The following ENTPD1 variants were observed in gnomAD, a reference collection of about 807,000 sequenced individuals.
ENTPD1 encodes ectonucleoside triphosphate diphosphohydrolase 1, also known as ATP diphosphohydrolase.
A neutral mutation model predicts 57.0 loss-of-function variants in ENTPD1; 33 were observed. That is an observed-to-expected ratio of 0.58 (90% CI 0.44 to 0.77). The LOEUF is 0.77. Ranked by LOEUF, ENTPD1 falls within the 30% of genes least tolerant of loss-of-function variation. The pLI is 0.00. For missense variants in ENTPD1, 501 were observed against 603.4 expected (o/e 0.83, Z 1.78); for synonymous variants, 202 against 218.8 (o/e 0.92, Z 0.68).
chr10:95,860,407 G>C, intron 7 of ENTPD1, 62 bp from the exon 8 acceptor site: 3 of 1,387,320 alleles, frequency 2.2e-6, no homozygotes, highest in African/African-American at 2.9e-5. Context: ...GCGGCCTTTA[G>C]GAGAGCAAGT....
chr10:95,832,669 C>T (rs1432157427), intron 2 of ENTPD1, among the ~76,000 whole-genome samples: 2 of 152,196 alleles, frequency 1.3e-5, no homozygotes, highest in African/African-American at 4.8e-5. Context: ...AACGCTGCCT[C>T]TTCTGTGAAT....
intron 7 of ENTPD1, among the ~76,000 whole-genome samples, chr10:95,852,041 C>A (rs2098446176): frequency 1.3e-5 from 2 of 152,192 alleles, no homozygotes; most frequent in South Asian, 4.1e-4. Flanking sequence ...TTTACAGTCC[C>A]ACCAACAGTG....
intron 1 of ENTPD1, among the ~76,000 whole-genome samples, chr10:95,787,822 A>C (rs945218184): frequency 1.3e-5 from 2 of 152,166 alleles, no homozygotes; most frequent in Non-Finnish European, 2.9e-5. Context: ...AATCTTTGAG[A>C]GTATTAACAA....
Position 95,814,028 on chromosome 10 carries a change from T to C in ENTPD1, c.17-9209T>C, listed in dbSNP as rs553888706. Among the ~76,000 whole-genome samples, 3 of 152,320 alleles carry C rather than the reference T, an allele frequency of 2.0e-5. No homozygotes were observed. The South Asian group carries it at 6.2e-4, about 32-fold the overall frequency. On this transcript the variant is annotated intron_variant, in intron 1 of 9. Coordinates refer to ENST00000371205, the MANE Select transcript of ENTPD1 (RefSeq NM_001776.6). ...GGTAGAGTCCCCAGGGCACAATTTTTCAATTTCAGATGTGGAAGAAGACTC... is the reference window on the plus strand; with the variant it reads ...GGTAGAGTCCCCAGGGCACAATTTTCCAATTTCAGATGTGGAAGAAGACTC...
chr10:95,865,321 G>C (rs1470075152), intron 9 of ENTPD1, among the ~76,000 whole-genome samples: 3 of 152,194 alleles, frequency 2.0e-5, no homozygotes, highest in East Asian at 3.9e-4. Flanking sequence ...GAGTGGCTGT[G>C]AATGATGAGA....
intron 1 of ENTPD1, among the ~76,000 whole-genome samples, chr10:95,801,933 T>C (rs1051139765): frequency 6.6e-6 from 1 of 152,256 alleles, no homozygotes; most frequent in African/African-American, 2.4e-5. Flanking sequence ...ATGGCCATTT[T>C]AATGATATGG....
chr10:95,770,242 A>AGT (rs1555282631), intron 1 of ENTPD1, among the ~76,000 whole-genome samples: 104 of 126,354 alleles, frequency 8.2e-4, no homozygotes, highest in Non-Finnish European at 1.2e-3. Context: ...AGAGAGAGAG[A>AGT]GAGTGAGTGA....
At chr10:95,757,108 C>T (rs1652172761) in intron 1 of ENTPD1, among the ~76,000 whole-genome samples, 1 of 152,174 alleles carries the variant, frequency 6.6e-6, no homozygotes, top group African/African-American at 2.4e-5. Context: ...CCTTCTTTAT[C>T]ATCTCTAACT....
At chr10:95,712,096 C>A in intron 1 of ENTPD1, 1 of 1,535,490 alleles carries the variant, frequency 6.5e-7, no homozygotes, top group Middle Eastern at 1.8e-4. Context: ...ATCTCCAAAA[C>A]CTTGATTAAT....
At chr10:95,756,095 C>A, upstream of ENTPD1, 1 of 1,520,570 alleles carries the variant, frequency 6.6e-7, no homozygotes, top group Non-Finnish European at 8.8e-7. Context: ...GAAACGGGGC[C>A]GGCTAATTTA....
At chr10:95,863,000 AGAGAGAG>A (rs947262713) in intron 8 of ENTPD1, among the ~76,000 whole-genome samples, 13 of 152,278 alleles carry the variant, frequency 8.5e-5, no homozygotes, top group South Asian at 2.1e-4. Context: ...GGAAGGTGGG[AGAGAGAG>A]GAGAGAGGAG....
At position 95,868,988 on chromosome 10, in the gene ENTPD1, T is replaced by A; in HGVS notation, c.*2605T>A. 1.0e-6 allele frequency: 1 copy of A among 985,324 alleles called. No individual in the cohort carries two copies. Among genetic ancestry groups the A allele is most frequent in the Non-Finnish European group, 1.2e-6 (1 of 829,920 alleles). The allele number at this position is 985,324 out of a possible 1,614,324, so 61.0% of individuals were successfully genotyped here. On this transcript the variant is annotated 3_prime_UTR_variant, in exon 10 of 10. Coordinates refer to ENST00000371205, the MANE Select transcript of ENTPD1 (RefSeq NM_001776.6). The stretch of plus-strand genomic sequence containing the variant: ...GCAGGAAGGTTGGTTTAGAGGCAGA[T>A]CCAGCAATCTGCTTTGGGCCACTCT...
chr10:95,828,902 G>A (rs1043614308), intron 2 of ENTPD1, among the ~76,000 whole-genome samples: 5 of 151,968 alleles, frequency 3.3e-5, no homozygotes, highest in Non-Finnish European at 7.4e-5. Context: ...CTAGAGACGG[G>A]GTTTCTCCAT....
At chr10:95,712,668 G>A (rs753724563) in intron 1 of ENTPD1, among the ~76,000 whole-genome samples, 1 of 152,100 alleles carries the variant, frequency 6.6e-6, no homozygotes, top group Non-Finnish European at 1.5e-5. Context: ...GTGGATTAAC[G>A]GGTCTGTGAC....
chr10:95,869,679 T>G lies in ENTPD1; in HGVS notation c.*3296T>G, dbSNP rs1233437669. ...TAATAAGAAATATGTAAATAAAATT[T>G]TTTAAAATTACACTTCATTTTAATG... On this transcript the variant is annotated 3_prime_UTR_variant, in exon 10 of 10. Coordinates refer to ENST00000371205, the MANE Select transcript of ENTPD1 (RefSeq NM_001776.6). 9.2e-6 allele frequency: 9 copies of G among 975,474 alleles called. No individual in the cohort carries two copies. The highest frequency in any genetic ancestry group is 1.1e-5 in the Non-Finnish European group (9 of 820,978). The allele number at this position is 975,474 out of a possible 1,614,324, so 60.4% of individuals were successfully genotyped here. A position where few individuals can be genotyped will look rare whatever the true frequency, so the allele number is the denominator to read the frequency against.
chr10:95,840,110 T>TA, intron 3 of ENTPD1, among the ~76,000 whole-genome samples: 1 of 152,160 alleles, frequency 6.6e-6, no homozygotes, highest in Non-Finnish European at 1.5e-5. Context: ...CCTCATAATC[T>TA]CCCTTTGAGG....
chr10:95,875,504 TC>T lies in ENTPD1; in HGVS notation c.*9123del, dbSNP rs2098484809. ...ATGCCATTCACAGTCTCTAGGAGGT[TC>T]CAAACTTTCCTACATTTTCCTATCT... On this transcript the variant is annotated 3_prime_UTR_variant, in exon 10 of 10. Coordinates refer to ENST00000371205, the MANE Select transcript of ENTPD1 (RefSeq NM_001776.6). 6.5e-6 allele frequency: 1 copy of T among 154,896 alleles called. No homozygotes were observed. The highest frequency in any genetic ancestry group is 1.4e-5 in the Non-Finnish European group (1 of 69,952). The allele number at this position is 154,896 out of a possible 1,614,324, so 9.6% of individuals were successfully genotyped here.
At chr10:95,752,452 C>T (rs1201473463), upstream of ENTPD1, among the ~76,000 whole-genome samples, 5 of 152,044 alleles carry the variant, frequency 3.3e-5, no homozygotes, top group Non-Finnish European at 5.9e-5. Context: ...GTCAGGAGTT[C>T]GAGACCAGCC....
chr10:95,705,043 T>C, the ENTPD1 span, among the ~76,000 whole-genome samples: 4 of 152,052 alleles, frequency 2.6e-5, no homozygotes, highest in African/African-American at 7.2e-5. Flanking sequence ...AAACTCAACA[T>C]CATTATCAAA....
Sources: allele counts gnomAD v4.1 joint callset (sites outside exome capture counted in the v4.1 genomes callset), GRCh38; gene constraint gnomAD v4.1.1; transcripts MANE v1.5; gene names NCBI Gene and HGNC (gene_info 2026-07-23, HGNC 2026-07-21).